PTCH1: variants seen among roughly 807,000 people sequenced by gnomAD.
PTCH1 encodes the protein protein patched homolog 1.
PTCH1 carries 14 observed loss-of-function variants against 144.6 expected under a neutral mutation model. The ratio of observed to expected loss-of-function variants is 0.10; its 90% CI spans 0.06 to 0.15. The LOEUF (loss-of-function observed/expected upper bound fraction) is 0.15, where lower values mean the gene tolerates loss of function less well. PTCH1 is among the 10% of genes least tolerant of loss of function. PTCH1 has a pLI of 1.00. For synonymous variants in PTCH1, 833 were observed against 793.6 expected (o/e 1.05, Z -0.83); for missense variants, 1,623 against 1,948.3 (o/e 0.83, Z 3.14).
chr9:95,475,169 C>T (rs117104798), intron 12 of PTCH1, among the ~76,000 whole-genome samples: 395 of 152,276 alleles, frequency 2.6e-3, no homozygotes, highest in Non-Finnish European at 4.6e-3. Flanking sequence ...TCAAGGGCAA[C>T]GTCAGTAATT....
At chr9:95,456,551 A>G (rs887603849) in intron 18 of PTCH1, 138 bp from the exon 19 acceptor site, 29 of 1,133,298 alleles carry the variant, frequency 2.6e-5, no homozygotes, top group Non-Finnish European at 3.4e-5. Flanking sequence ...AACTCTGGAC[A>G]CTGCCTTTAC....
In PTCH1 at chr9:95,458,022, G is replaced by C; in HGVS notation, c.3159C>G (p.Ala1053=). ...CTTATAATACACTCACAATGATCCC[G>C]GCCGTCCAGGGGTTCAGAAGGAAGA... The part of the protein sequence containing the change: ...CAVFLLNPWT[A]GIIVMVLALM... The change falls in exon 18 of 24, where the codon GCC becomes GCG. Residue 1053 remains alanine, a synonymous_variant. Transcript: ENST00000331920. This position sits in a 1 kb window ranked among gnomAD's most constrained non-coding sequence, Gnocchi z 4.7. The C allele has an allele frequency of 6.2e-7, 1 of 1,614,058 alleles. No homozygotes were observed. Among genetic ancestry groups the C allele is most frequent in the Non-Finnish European group, 8.5e-7 (1 of 1,180,036 alleles).
Position 95,476,738 on chromosome 9 carries a change from CTT to C in PTCH1, c.1602+19_1602+20del, listed in dbSNP as rs765277501. On this transcript the variant is annotated intron_variant, in intron 11 of 23. Coordinates refer to ENST00000331920, the MANE Select transcript of PTCH1 (RefSeq NM_000264.5). The surrounding 1 kb of genome is among the most constrained non-coding windows in gnomAD (Gnocchi z 4.6). Reference sequence around the variant, plus strand: ...GAAGCTGTGATGTCCCCAAAGCTCTCTTCTTTTGTTTTTGCATTACCTCAAAA... The same window carrying C: ...GAAGCTGTGATGTCCCCAAAGCTCTCCTTTTGTTTTTGCATTACCTCAAAA... 2.5e-6 allele frequency: 4 copies of C among 1,604,552 alleles called. No individual in the cohort carries two copies. The highest frequency in any genetic ancestry group is 2.2e-5 in the East Asian group (1 of 44,654).
At chr9:95,470,147 A>G (rs1012443680) in intron 12 of PTCH1, among the ~76,000 whole-genome samples, 1 of 152,200 alleles carries the variant, frequency 6.6e-6, no homozygotes, top group Non-Finnish European at 1.5e-5. Context: ...TCTATCTCTA[A>G]TAATTCCATA....
intron 19 of PTCH1, among the ~76,000 whole-genome samples, chr9:95,455,977 TATA>T (rs1174752499): frequency 2.0e-5 from 3 of 151,960 alleles, no homozygotes; most frequent in Non-Finnish European, 2.9e-5. Flanking sequence ...ATCGTGGGGG[TATA>T]ATGACAGTCA....
At chr9:95,502,403 G>A (rs1404841563) in intron 2 of PTCH1, among the ~76,000 whole-genome samples, 2 of 152,194 alleles carry the variant, frequency 1.3e-5, no homozygotes, top group African/African-American at 2.4e-5. Flanking sequence ...TGCAGAGTAG[G>A]TACTGAGAAC....
chr9:95,486,498 C>T lies in PTCH1; in HGVS notation c.395-624G>A, dbSNP rs78400819. Among the ~76,000 whole-genome samples the T allele has an allele frequency of 8.3e-3, 1,272 of 152,382 alleles. 8 individuals carry two copies. The highest frequency in any genetic ancestry group is 0.012 in the Non-Finnish European group (800 of 68,042). Reference sequence around the variant, plus strand: ...GTCCCTGGAACCTGGTTCCATCAGACGCACCTGGTCAGCATCCAGAAAACA... The same window carrying T: ...GTCCCTGGAACCTGGTTCCATCAGATGCACCTGGTCAGCATCCAGAAAACA... On this transcript the variant is annotated intron_variant, in intron 2 of 23. Coordinates refer to ENST00000331920, the MANE Select transcript of PTCH1 (RefSeq NM_000264.5).
chr9:95,506,611 G>A lies in PTCH1; in HGVS notation c.202-12C>T, dbSNP rs2118881824. The A allele has an allele frequency of 6.2e-7, 1 of 1,604,942 alleles. No individual in the cohort carries two copies. The highest frequency in any genetic ancestry group is 8.5e-7 in the Non-Finnish European group (1 of 1,175,688). On this transcript the variant is annotated splice_polypyrimidine_tract_variant and intron_variant, in intron 1 of 23. Transcript: ENST00000331920. ...CCAGTAGCCTTCCCCTGGGGACGAA[G>A]CAGAAGGGAGGAGTGAGCGCCGGGG... is the stretch of plus-strand genomic sequence containing the variant.
upstream of PTCH1, among the ~76,000 whole-genome samples, chr9:95,511,230 C>G (rs148229241): frequency 2.6e-5 from 4 of 151,584 alleles, no homozygotes; most frequent in South Asian, 2.1e-4. Flanking sequence ...CTCCCCGCCC[C>G]CTTCCTTCCT....
At chr9:95,488,144 T>C (rs1842111977) in intron 2 of PTCH1, among the ~76,000 whole-genome samples, 1 of 152,226 alleles carries the variant, frequency 6.6e-6, no homozygotes. Context: ...GTTTCAGAAA[T>C]GGCATTTATT....
intron 2 of PTCH1, among the ~76,000 whole-genome samples, chr9:95,490,517 T>C (rs1479874664): frequency 3.6e-5 from 4 of 110,826 alleles, no homozygotes; most frequent in Non-Finnish European, 7.0e-5. Context: ...AAACCTTCTA[T>C]GTGACACACA....
At chr9:95,479,299 G>A (rs1841348056) in intron 7 of PTCH1, 152 bp from the exon 8 acceptor site, 1 of 1,005,248 alleles carries the variant, frequency 9.9e-7, no homozygotes, top group Non-Finnish European at 1.5e-6. Context: ...GACCAGGATG[G>A]TTATTTTATT....
chr9:95,444,509 GCACACA>G lies in PTCH1; in HGVS notation c.*1878_*1883del, dbSNP rs59205702. The G allele has an allele frequency of 2.7e-5, 4 of 149,102 alleles. No individual in the cohort carries two copies. Among genetic ancestry groups the G allele is most frequent in the South Asian group, 2.0e-4 (1 of 4,880 alleles). The allele number at this position is 149,102 out of a possible 1,614,324, so 9.2% of individuals were successfully genotyped here. A position where few individuals can be genotyped will look rare whatever the true frequency, so the allele number is the denominator to read the frequency against. ...CAGAGACACACACACACGCACGCACGCACACACACACACACACACCCAGCAGCCACA... is the reference window on the plus strand; with the variant it reads ...CAGAGACACACACACACGCACGCACGCACACACACACACCCAGCAGCCACA... On this transcript the variant is annotated 3_prime_UTR_variant, in exon 24 of 24. Transcript: ENST00000331920.
At position 95,444,705 on chromosome 9, in the gene PTCH1, TAGGCTTC is replaced by T. The variant is rs965370606; in HGVS notation, c.*1681_*1687del. On this transcript the variant is annotated 3_prime_UTR_variant, in exon 24 of 24. Coordinates refer to ENST00000331920, the MANE Select transcript of PTCH1 (RefSeq NM_000264.5). ...CACTCGTGAGCGCCTCACAGTAGCT[TAGGCTTC>T]AGCCCTGCAGGGACCCCGCCCTTTC... The T allele has an allele frequency of 7.2e-5, 11 of 152,206 alleles. No individual in the cohort carries two copies. Among genetic ancestry groups the T allele is most frequent in the African/African-American group, 2.7e-4 (11 of 41,426 alleles). The allele number at this position is 152,206 out of a possible 1,614,324, so 9.4% of individuals were successfully genotyped here. A position where few individuals can be genotyped will look rare whatever the true frequency, so the allele number is the denominator to read the frequency against.
At chr9:95,500,587 G>C (rs1223469137) in intron 2 of PTCH1, among the ~76,000 whole-genome samples, 1 of 152,164 alleles carries the variant, frequency 6.6e-6, no homozygotes, top group East Asian at 1.9e-4. Flanking sequence ...CACTGTGGAA[G>C]GGCAGTGACA....
Position 95,447,007 on chromosome 9 carries a change from G to A in PTCH1, c.4249C>T (p.His1417Tyr), listed in dbSNP as rs776235476. 1.2e-6 allele frequency: 2 copies of A among 1,614,202 alleles called. No homozygotes were observed. Among genetic ancestry groups the A allele is most frequent in the Non-Finnish European group, 1.7e-6 (2 of 1,180,040 alleles). ...GLFEDPHVPF[H>Y]VRCERRDSKV... ...GAATCCCTCCTCTCACACCGGACGT[G>A]GAAAGGCACGTGGGGGTCCTCAAAC... The change falls in exon 23 of 24, where the codon CAC (histidine) becomes TAC (tyrosine). Residue 1417 changes from histidine (H) to tyrosine (Y), a missense_variant. His to Tyr is a moderately conservative substitution (Grantham distance 83). This residue lies in a region of PTCH1 where 291 missense variants were observed against 287.4 expected (regional missense o/e 1.01). Coordinates refer to ENST00000331920, the MANE Select transcript of PTCH1 (RefSeq NM_000264.5).
chr9:95,469,975 C>T (rs1325679138), intron 12 of PTCH1, 44 bp from the exon 13 acceptor site: 6 of 1,376,288 alleles, frequency 4.4e-6, no homozygotes, highest in Non-Finnish European at 6.2e-6. Context: ...CATGCCTCCG[C>T]CCAATCAGAG....
exon 1 of PTCH1, chr9:95,516,885 G>GA: frequency 7.1e-7 from 1 of 1,404,434 alleles, no homozygotes; most frequent in Non-Finnish European, 9.8e-7. Context: ...TGACGGATCC[G>GA]AAAACTTTAC....
chr9:95,498,662 A>AG (rs890438495), intron 2 of PTCH1, among the ~76,000 whole-genome samples: 1 of 152,142 alleles, frequency 6.6e-6, no homozygotes, highest in Non-Finnish European at 1.5e-5. Flanking sequence ...CAATTTAAAG[A>AG]GAAAAAAAAA....
Sources: gnomAD v4.1 joint callset for allele counts (sites outside exome capture counted in the v4.1 genomes callset) on GRCh38, gnomAD v4.1.1 for gene constraint, gnomAD v4.1.1 regional missense constraint, Gnocchi (gnomAD v3.1) non-coding constraint, MANE v1.5 for transcripts, NCBI Gene and HGNC (gene_info 2026-07-23, HGNC 2026-07-21) for gene names.